NKAIN2: variants seen among roughly 807,000 people sequenced by gnomAD.
The protein encoded by NKAIN2 is sodium/potassium transporting ATPase interacting 2, also known as sodium/potassium-transporting ATPase subunit beta-1-interacting protein 2.
Under a neutral mutation model 32.6 loss-of-function variants are expected in NKAIN2, and 14 were observed. That is an observed-to-expected ratio of 0.43 (90% confidence interval 0.28 to 0.67). NKAIN2 has a LOEUF of 0.67. Among genes scored for constraint, NKAIN2 ranks in the 30% least tolerant of loss-of-function variants. The probability of loss-of-function intolerance (pLI) is 0.17; values close to 1 mark genes in which losing one functional copy is unlikely to be tolerated. For missense variants in NKAIN2, 198 were observed against 258.3 expected (o/e 0.77, Z 1.60); for synonymous variants, 80 against 87.2 (o/e 0.92, Z 0.46).
intron 5 of NKAIN2, 59 bp from the exon 6 acceptor site, chr6:124,818,328 G>C (rs1923727): frequency 0.66 from 545,983 of 832,280 alleles, 181,531 homozygotes; most frequent in Admixed American, 0.72. Context: ...CTGTGTGGGT[G>C]CTTGATCATG....
At chr6:124,627,425 A>ATAAGC (rs1783396940) in intron 3 of NKAIN2, among the ~76,000 whole-genome samples, 2 of 152,174 alleles carry the variant, frequency 1.3e-5, no homozygotes, top group African/African-American at 4.8e-5. Flanking sequence ...GGGAAATACC[A>ATAAGC]TAAGCTTTGG....
intron 3 of NKAIN2, among the ~76,000 whole-genome samples, chr6:124,526,487 G>T (rs890849856): frequency 6.6e-6 from 1 of 151,938 alleles, no homozygotes; most frequent in African/African-American, 2.4e-5. Context: ...TTGCTACTGG[G>T]GTATAAGAGG....
Position 123,932,297 on chromosome 6 carries a change from A to C in NKAIN2, c.54+128043A>C, listed in dbSNP as rs144620051. Among the ~76,000 whole-genome samples the C allele has an allele frequency of 3.4e-3, 517 of 151,086 alleles. 4 individuals are homozygous for C. Among genetic ancestry groups the C allele is most frequent in the South Asian group, 0.012 (57 of 4,786 alleles). On this transcript the variant is annotated intron_variant, in intron 1 of 6. Transcript: ENST00000368417. ...CATAATGACAGCCAGATTTCCATTC[A>C]CTTCTCCTGCAGCATCCAGTAGGTC...
rs528716383 is a variant in NKAIN2 at position 124,396,438 on chromosome 6, A to G, written c.273+41091A>G. 6.3e-4 allele frequency among the ~76,000 whole-genome samples: 96 copies of G among 151,662 alleles called. 1 individual carries two copies. Among genetic ancestry groups the G allele is most frequent in the Non-Finnish European group, 8.4e-4 (57 of 67,894 alleles). On this transcript the variant is annotated intron_variant, in intron 3 of 6. Coordinates refer to ENST00000368417, the MANE Select transcript of NKAIN2 (RefSeq NM_001040214.3). The stretch of plus-strand genomic sequence containing the variant: ...GACCTGCTATTTGATTAAAAAAAAA[A>G]AAAAGAAAAGAAAAAAAGAGATTCA...
intron 3 of NKAIN2, among the ~76,000 whole-genome samples, chr6:124,586,608 GAA>G (rs201022705): frequency 7.8e-6 from 1 of 127,702 alleles, no homozygotes; most frequent in African/African-American, 2.9e-5. Flanking sequence ...AAGTTGGAAA[GAA>G]AAAAAAAAAA....
chr6:124,474,872 A>ATATAATATATACATG lies in NKAIN2; in HGVS notation c.273+119528_273+119529insAATATATACATGTAT, dbSNP rs1382021814. ...ATATACATATATATTTTATATACAT[A>ATATAATATATACATG]TATTGTATATTATATATTATATATG... On this transcript the variant is annotated intron_variant, in intron 3 of 6. Coordinates refer to ENST00000368417, the MANE Select transcript of NKAIN2 (RefSeq NM_001040214.3). Among the ~76,000 whole-genome samples the ATATAATATATACATG allele has an allele frequency of 4.1e-5, 6 of 147,060 alleles. 1 individual carries two copies. The East Asian group carries it at 5.8e-4, about 14-fold the overall frequency.
chr6:124,305,600 A>G (rs1487729631), intron 2 of NKAIN2, among the ~76,000 whole-genome samples: 1 of 152,172 alleles, frequency 6.6e-6, no homozygotes, highest in Non-Finnish European at 1.5e-5. Context: ...ATGTGAGACT[A>G]GAGATCAGGA....
intron 1 of NKAIN2, among the ~76,000 whole-genome samples, chr6:124,133,139 T>C (rs750244629): frequency 1.1e-4 from 16 of 152,168 alleles, no homozygotes; most frequent in African/African-American, 3.9e-4. Flanking sequence ...AAAGACACAG[T>C]TGGGGCTTGC....
At chr6:124,309,193 A>G (rs565703649) in intron 2 of NKAIN2, among the ~76,000 whole-genome samples, 11 of 152,258 alleles carry the variant, frequency 7.2e-5, no homozygotes, top group African/African-American at 2.6e-4. Context: ...CTCAAATCCA[A>G]ACCACTAATT....
intron 3 of NKAIN2, among the ~76,000 whole-genome samples, chr6:124,517,416 A>G (rs1018260878): frequency 6.6e-6 from 1 of 152,128 alleles, no homozygotes; most frequent in Admixed American, 6.5e-5. Context: ...CCCTGCACCA[A>G]TTTAACTTTT....
chr6:124,794,023 C>A (rs1779886896), intron 5 of NKAIN2, among the ~76,000 whole-genome samples: 1 of 152,126 alleles, frequency 6.6e-6, no homozygotes. Flanking sequence ...GGTAGGAAGG[C>A]TTATTAGGAT....
At chr6:124,718,132 T>C (rs1266624635) in intron 4 of NKAIN2, among the ~76,000 whole-genome samples, 1 of 152,148 alleles carries the variant, frequency 6.6e-6, no homozygotes, top group African/African-American at 2.4e-5. Flanking sequence ...AATTCAATGA[T>C]TTTTTTAGTA....
At chr6:124,128,351 G>A (rs1228065037) in intron 1 of NKAIN2, among the ~76,000 whole-genome samples, 1 of 152,150 alleles carries the variant, frequency 6.6e-6, no homozygotes, top group Non-Finnish European at 1.5e-5. Flanking sequence ...GAGAAGCGAA[G>A]CATTTCATTT....
chr6:124,532,206 T>C (rs1333121832), intron 3 of NKAIN2, among the ~76,000 whole-genome samples: 2 of 151,940 alleles, frequency 1.3e-5, no homozygotes, highest in African/African-American at 4.8e-5. Flanking sequence ...AAAGCAGAAC[T>C]TTTACACCCT....
rs904926568 is a variant in NKAIN2, at chr6:124,410,828, A to T, written c.273+55481A>T. The stretch of plus-strand genomic sequence containing the variant: ...TCCCATTATTATTGTGTGGGAGTCT[A>T]AGTTTCTTTGTAGTCACTCGGGGCT... On this transcript the variant is annotated intron_variant, in intron 3 of 6. Coordinates refer to ENST00000368417, the MANE Select transcript of NKAIN2 (RefSeq NM_001040214.3). Among the ~76,000 whole-genome samples, 4 of 152,256 alleles carry T rather than the reference A, an allele frequency of 2.6e-5. No individual in the cohort carries two copies. In the South Asian group the frequency reaches 8.3e-4, roughly 32 times the overall value.
At chr6:124,539,789 C>T (rs549105481) in intron 3 of NKAIN2, among the ~76,000 whole-genome samples, 2 of 152,128 alleles carry the variant, frequency 1.3e-5, no homozygotes, top group South Asian at 2.1e-4. Context: ...GGCGTGATCT[C>T]GTCTCACTGC....
chr6:123,866,764 G>T (rs1772541009), intron 1 of NKAIN2, among the ~76,000 whole-genome samples: 2 of 152,118 alleles, frequency 1.3e-5, no homozygotes, highest in East Asian at 3.9e-4. Context: ...ATTGTCAGCA[G>T]CATTTGACCA....
chr6:124,279,976 G>C (rs1795218067), intron 1 of NKAIN2, among the ~76,000 whole-genome samples: 1 of 152,094 alleles, frequency 6.6e-6, no homozygotes, highest in African/African-American at 2.4e-5. Context: ...ACCAAATTAT[G>C]CGTTAATAAT....
chr6:124,327,359 T>A (rs1797460285), intron 2 of NKAIN2, among the ~76,000 whole-genome samples: 2 of 147,074 alleles, frequency 1.4e-5, no homozygotes, highest in African/African-American at 5.4e-5. Flanking sequence ...GATATATGTA[T>A]CATCTTTCAT....
Sources: gnomAD v4.1 joint callset for allele counts (sites outside exome capture counted in the v4.1 genomes callset) on GRCh38, gnomAD v4.1.1 for gene constraint, MANE v1.5 for transcripts, NCBI Gene and HGNC (gene_info 2026-07-23, HGNC 2026-07-21) for gene names.